KDM4B: variants seen among roughly 807,000 people sequenced by gnomAD.
KDM4B encodes lysine demethylase 4B.
A neutral mutation model predicts 125.2 loss-of-function variants in KDM4B; 32 were observed. The ratio of observed to expected loss-of-function variants is 0.26; its 90% confidence interval spans 0.19 to 0.34. The LOEUF (loss-of-function observed/expected upper bound fraction) is 0.34, where lower values mean the gene tolerates loss of function less well. Among genes scored for constraint, KDM4B ranks in the 10% least tolerant of loss-of-function variants. The pLI, the probability that KDM4B is intolerant of heterozygous loss-of-function variation, is 1.00. For missense variants in KDM4B, 1,190 were observed against 1,577.7 expected (o/e 0.75, Z 4.16); for synonymous variants, 721 against 677.9 (o/e 1.06, Z -0.99).
intron 6 of KDM4B, among the ~76,000 whole-genome samples, chr19:5,061,867 C>A (rs906091450): frequency 2.5e-4 from 37 of 149,996 alleles, no homozygotes; most frequent in Non-Finnish European, 4.2e-4. Flanking sequence ...AAAACAACAA[C>A]AAAAAAAAAC....
chr19:5,099,393 G>A (rs2038888882), intron 9 of KDM4B, among the ~76,000 whole-genome samples: 1 of 152,202 alleles, frequency 6.6e-6, no homozygotes, highest in South Asian at 2.1e-4. Context: ...ATAGGGAAGG[G>A]TTGTTTTGGG....
At chr19:5,059,401 G>C (rs2037512528) in intron 6 of KDM4B, among the ~76,000 whole-genome samples, 1 of 152,232 alleles carries the variant, frequency 6.6e-6, no homozygotes, top group Admixed American at 6.5e-5. Flanking sequence ...CTCCCGCCGA[G>C]GGCTCGGGCC....
chr19:5,021,991 G>A (rs1439583367), intron 2 of KDM4B, among the ~76,000 whole-genome samples: 4 of 152,028 alleles, frequency 2.6e-5, no homozygotes, highest in East Asian at 3.9e-4. Flanking sequence ...TCTGCTTTCC[G>A]TAGGCCCCCA....
intron 7 of KDM4B, among the ~76,000 whole-genome samples, chr19:5,072,043 C>T (rs2037965678): frequency 1.3e-5 from 2 of 152,160 alleles, no homozygotes; most frequent in Non-Finnish European, 2.9e-5. Context: ...TCAAGGACGG[C>T]GTCAGGCAGC....
chr19:4,998,856 G>A (rs1191204030), intron 1 of KDM4B, among the ~76,000 whole-genome samples: 1 of 152,122 alleles, frequency 6.6e-6, no homozygotes, highest in Non-Finnish European at 1.5e-5. Context: ...CCAGATTCAG[G>A]CCACACACTT....
Position 5,050,804 on chromosome 19 carries a change from G to A in KDM4B, c.626+3135G>A, listed in dbSNP as rs541463864. ...AATCCCAGCTACTCGGGAGGCTGAG[G>A]CAGGAGAATGGTGTGAACCCAGGAG... On this transcript the variant is annotated intron_variant, in intron 6 of 22. Coordinates refer to ENST00000159111, the MANE Select transcript of KDM4B (RefSeq NM_015015.3). Among the ~76,000 whole-genome samples, 7 of 152,342 alleles carry A rather than the reference G, an allele frequency of 4.6e-5. No homozygotes were observed. The South Asian group carries it at 1.4e-3, about 32-fold the overall frequency.
intron 9 of KDM4B, among the ~76,000 whole-genome samples, chr19:5,099,880 C>T (rs186535278): frequency 1.1e-4 from 16 of 152,352 alleles, no homozygotes; most frequent in African/African-American, 3.8e-4. Flanking sequence ...CCTCCAGAAC[C>T]TTGAGAAATA....
intron 6 of KDM4B, among the ~76,000 whole-genome samples, chr19:5,048,698 C>T (rs1346458489): frequency 2.0e-5 from 3 of 152,210 alleles, no homozygotes; most frequent in East Asian, 3.9e-4. Context: ...GCGTCCGAAG[C>T]GCAGATGGAG....
intron 1 of KDM4B, among the ~76,000 whole-genome samples, chr19:4,994,020 G>GTTT (rs55641886): frequency 0.012 from 773 of 66,730 alleles, 1 homozygote; most frequent in Non-Finnish European, 0.016. Flanking sequence ...TTTTCAGCCT[G>GTTT]TTTTTTTTTT....
At chr19:5,036,553 G>A (rs10411421) in intron 3 of KDM4B, among the ~76,000 whole-genome samples, 85,304 of 152,112 alleles carry the variant, frequency 0.56, 25,289 homozygotes, top group Non-Finnish European at 0.66. Context: ...TCCCAGGCGG[G>A]TGCCAGCAGG....
At chr19:5,075,288 C>T (rs1205172203) in intron 7 of KDM4B, 1 of 152,336 alleles carries the variant, frequency 6.6e-6, no homozygotes, top group Non-Finnish European at 1.5e-5. Context: ...TTCCGGGGGC[C>T]CGGCTGCTTC....
At chr19:5,072,539 G>A (rs2037980875) in intron 7 of KDM4B, among the ~76,000 whole-genome samples, 1 of 152,190 alleles carries the variant, frequency 6.6e-6, no homozygotes, top group South Asian at 2.1e-4. Context: ...CGTAGCAAAG[G>A]TCCAGCTCAC....
chr19:4,995,579 G>A (rs566201843), intron 1 of KDM4B, among the ~76,000 whole-genome samples: 1 of 152,168 alleles, frequency 6.6e-6, no homozygotes, highest in East Asian at 1.9e-4. Context: ...GTGCCTGGCC[G>A]AGGCTTGGCA....
intron 18 of KDM4B, among the ~76,000 whole-genome samples, chr19:5,139,767 C>T (rs975015398): frequency 6.6e-6 from 1 of 152,210 alleles, no homozygotes; most frequent in African/African-American, 2.4e-5. Context: ...GCCTGGGTTG[C>T]TTGGCCTTTT....
At chr19:4,995,008 G>A (rs1180690763) in intron 1 of KDM4B, among the ~76,000 whole-genome samples, 1 of 152,122 alleles carries the variant, frequency 6.6e-6, no homozygotes. Flanking sequence ...CAGTTCAATG[G>A]CTTGGGTTTT....
chr19:5,056,530 C>G (rs977898157), intron 6 of KDM4B, among the ~76,000 whole-genome samples: 4 of 151,904 alleles, frequency 2.6e-5, no homozygotes, highest in African/African-American at 7.3e-5. Flanking sequence ...CTCAGCCTCA[C>G]GAGTAGCTGA....
Position 5,032,847 on chromosome 19 carries a change from C to T in KDM4B, c.-25-19C>T. The T allele has an allele frequency of 5.6e-6, 9 of 1,607,228 alleles. No homozygotes were observed. The highest frequency in any genetic ancestry group is 7.7e-6 in the Non-Finnish European group (9 of 1,175,640). Reference sequence around the variant, plus strand: ...CATGGCGGCACCGCTGGTTCACCCTCTCTCGTCTTCCTCCACAGGTGTGCT... The same window carrying T: ...CATGGCGGCACCGCTGGTTCACCCTTTCTCGTCTTCCTCCACAGGTGTGCT... On this transcript the variant is annotated intron_variant, in intron 2 of 22. Transcript: ENST00000159111.
At chr19:5,084,873 C>G (rs370703909) in intron 9 of KDM4B, among the ~76,000 whole-genome samples, 1 of 151,542 alleles carries the variant, frequency 6.6e-6, no homozygotes, top group African/African-American at 2.4e-5. Context: ...CCCGCCGCCC[C>G]GGCCCACCCT....
intron 3 of KDM4B, among the ~76,000 whole-genome samples, chr19:5,037,791 G>C (rs2036676532): frequency 1.3e-5 from 2 of 152,224 alleles, no homozygotes; most frequent in South Asian, 4.1e-4. Context: ...GACATGGCCA[G>C]GTGTCCCCTG....
Sources: allele counts gnomAD v4.1 joint callset (sites outside exome capture counted in the v4.1 genomes callset), GRCh38; gene constraint gnomAD v4.1.1; transcripts MANE v1.5; gene names NCBI Gene and HGNC (gene_info 2026-07-23, HGNC 2026-07-21).